The following TRPM3 variants were observed in gnomAD, a reference collection of about 807,000 sequenced individuals.
TRPM3 encodes the protein long transient receptor potential channel 3.
A neutral mutation model predicts 181.2 loss-of-function variants in TRPM3; 77 were observed. That is an observed-to-expected ratio of 0.42 (90% CI 0.35 to 0.51). The LOEUF (loss-of-function observed/expected upper bound fraction) is 0.51, where lower values mean the gene tolerates loss of function less well. TRPM3 is among the 20% of genes least tolerant of loss of function. The probability of loss-of-function intolerance (pLI) is 0.01; values close to 1 mark genes in which losing one functional copy is unlikely to be tolerated. For missense variants in TRPM3, 1,759 were observed against 2,196.7 expected, an observed-to-expected ratio of 0.80 and a Z score of 3.98; for synonymous variants, 745 against 796.4, an observed-to-expected ratio of 0.94 and a Z score of 1.09.
In TRPM3 at chr9:70,937,819, G is replaced by A. The variant is rs190822927; in HGVS notation, c.178-73308C>T. Among the ~76,000 whole-genome samples the A allele has an allele frequency of 5.2e-3, 761 of 147,384 alleles. 3 individuals carry two copies. The highest frequency in any genetic ancestry group is 0.011 in the Admixed American group (160 of 14,632). ...ATAGTCCTGTGTGATTCCTGGAGGT[G>A]CTGCAGAAGTCAACTGAGACCCTGA... On this transcript the variant is annotated intron_variant, in intron 1 of 25. Transcript: ENST00000677713.
chr9:71,384,770 A>ATGGTGTTC, intron 1 of TRPM3, among the ~76,000 whole-genome samples: 1 of 152,336 alleles, frequency 6.6e-6, no homozygotes, highest in East Asian at 1.9e-4. Flanking sequence ...AGAACACCAT[A>ATGGTGTTC]TTAAGAATAA....
At chr9:71,236,784 C>T (rs534420852) in intron 1 of TRPM3, among the ~76,000 whole-genome samples, 4 of 152,286 alleles carry the variant, frequency 2.6e-5, no homozygotes, top group East Asian at 3.9e-4. Context: ...CAGTGGCTCA[C>T]GCCTGTAATC....
chr9:70,882,721 C>T (rs2096015758), intron 1 of TRPM3, among the ~76,000 whole-genome samples: 1 of 152,088 alleles, frequency 6.6e-6, no homozygotes, highest in Non-Finnish European at 1.5e-5. Flanking sequence ...TTAGCTAGAG[C>T]ATAAAGTAGC....
chr9:70,554,825 G>T (rs1018581844), intron 22 of TRPM3, among the ~76,000 whole-genome samples: 1 of 152,202 alleles, frequency 6.6e-6, no homozygotes, highest in Non-Finnish European at 1.5e-5. Context: ...GGACCAAAGT[G>T]CTTCCTTTAG....
In TRPM3 at chr9:71,428,846, G is replaced by C. The variant is rs527923819; in HGVS notation, c.183+17807C>G. ...TGAATGAATACCTTATAATCATCAAGTTGACCCAGATTTCAAGAATTTGCT... is the reference window on the plus strand; with the variant it reads ...TGAATGAATACCTTATAATCATCAACTTGACCCAGATTTCAAGAATTTGCT... On this transcript the variant is annotated intron_variant, in intron 1 of 24. Transcript: ENST00000357533. Among the ~76,000 whole-genome samples the C allele has an allele frequency of 7.3e-5, 11 of 150,410 alleles. No homozygotes were observed. In the South Asian group the frequency reaches 2.1e-3, roughly 29 times the overall value.
At chr9:70,698,465 G>C (rs2071327454) in intron 8 of TRPM3, among the ~76,000 whole-genome samples, 1 of 152,152 alleles carries the variant, frequency 6.6e-6, no homozygotes, top group Non-Finnish European at 1.5e-5. Context: ...AGTTAAGTGA[G>C]ATAATGTACA....
At chr9:71,010,337 A>C (rs571825648) in intron 1 of TRPM3, among the ~76,000 whole-genome samples, 15 of 152,258 alleles carry the variant, frequency 9.9e-5, no homozygotes, top group Admixed American at 9.2e-4. Context: ...TGCATCGGAC[A>C]AGGGGTTAAT....
intron 22 of TRPM3, among the ~76,000 whole-genome samples, chr9:70,572,442 A>G (rs1168494761): frequency 1.3e-5 from 2 of 152,224 alleles, no homozygotes; most frequent in Admixed American, 6.5e-5. Context: ...TACAAATTTC[A>G]TTAGTTTTCC....
rs5898151 is a variant in TRPM3, at chr9:70,604,964, C to CTTTTT, written c.2668-1499_2668-1495dup. 3.9e-4 allele frequency among the ~76,000 whole-genome samples: 51 copies of CTTTTT among 129,952 alleles called. 3 individuals are homozygous for CTTTTT. The highest frequency in any genetic ancestry group is 1.3e-3 in the African/African-American group (44 of 33,804). The allele number at this position is 129,952 out of a possible 152,430, so 85.3% of individuals were successfully genotyped here. On this transcript the variant is annotated intron_variant, in intron 19 of 25. Transcript: ENST00000677713. ...ACCATGCTCAGCTGAATGGATTCTT[C>CTTTTT]TTTTTTTTTGGAGACTGAGTCTCAC...
chr9:71,335,994 C>T (rs991449828), intron 1 of TRPM3, among the ~76,000 whole-genome samples: 1 of 152,020 alleles, frequency 6.6e-6, no homozygotes, highest in Admixed American at 6.6e-5. Flanking sequence ...CTCCTCCAGC[C>T]TACCAATCAA....
chr9:71,266,010 G>C (rs2083370450), intron 1 of TRPM3, among the ~76,000 whole-genome samples: 2 of 152,132 alleles, frequency 1.3e-5, no homozygotes, highest in African/African-American at 4.8e-5. Flanking sequence ...CTCTCTGGCT[G>C]GATAAAGATA....
At chr9:71,343,808 TGTGGGGAAAA>T (rs2091117284) in intron 1 of TRPM3, among the ~76,000 whole-genome samples, 1 of 151,942 alleles carries the variant, frequency 6.6e-6, no homozygotes, top group African/African-American at 2.4e-5. Flanking sequence ...CCAGGTCTGA[TGTGGGGAAAA>T]TATAAGATGA....
intron 1 of TRPM3, among the ~76,000 whole-genome samples, chr9:71,021,475 A>G (rs2097846881): frequency 6.6e-6 from 1 of 152,212 alleles, no homozygotes; most frequent in Admixed American, 6.5e-5. Context: ...TTAACTTGGT[A>G]TTAGGAACCT....
intron 22 of TRPM3, among the ~76,000 whole-genome samples, chr9:70,577,300 C>T (rs925264236): frequency 2.6e-5 from 4 of 152,210 alleles, no homozygotes; most frequent in Non-Finnish European, 5.9e-5. Context: ...CTCTGGATTC[C>T]GATGGAAGCA....
In TRPM3 at chr9:71,344,402, G is replaced by C. The variant is rs145834514; in HGVS notation, c.183+102251C>G. Among the ~76,000 whole-genome samples the C allele has an allele frequency of 8.1e-3, 1,223 of 151,690 alleles. 20 individuals carry two copies. Among genetic ancestry groups the C allele is most frequent in the African/African-American group, 0.028 (1,145 of 41,322 alleles). On this transcript the variant is annotated intron_variant, in intron 1 of 24. Coordinates refer to the TRPM3 transcript ENST00000357533. ...GGAGGTGGAGGTTGCAGTGAGCCAA[G>C]ATCACACCATTGCACTCCAGCCTGG...
intron 1 of TRPM3, among the ~76,000 whole-genome samples, chr9:71,386,480 A>G (rs1246178423): frequency 6.6e-6 from 1 of 151,902 alleles, no homozygotes; most frequent in Non-Finnish European, 1.5e-5. Flanking sequence ...AAATATAGGA[A>G]GGGAACACAT....
In TRPM3 at chr9:70,918,369, C is replaced by T. The variant is rs116024223; in HGVS notation, c.178-53858G>A. ...TCATTCTCAAGAATAAACTATATGT[C>T]GGATCACAAAACAAGTCTTAAGGCA... On this transcript the variant is annotated intron_variant, in intron 1 of 25. Transcript: ENST00000677713. Among the ~76,000 whole-genome samples the T allele has an allele frequency of 7.5e-3, 1,145 of 152,058 alleles. 13 individuals carry two copies. Among genetic ancestry groups the T allele is most frequent in the African/African-American group, 0.025 (1,041 of 41,482 alleles).
At chr9:70,827,309 T>A (rs1296451572) in intron 6 of TRPM3, 1 of 152,202 alleles carries the variant, frequency 6.6e-6, no homozygotes, top group African/African-American at 2.4e-5. Context: ...AAAAGCTTAA[T>A]AAATAGAAAC....
chr9:71,433,465 C>A (rs1001438991), intron 1 of TRPM3, among the ~76,000 whole-genome samples: 4 of 152,148 alleles, frequency 2.6e-5, no homozygotes, highest in African/African-American at 7.2e-5. Flanking sequence ...GAGGCCTCCC[C>A]AGTCATGCTG....
Sources: allele counts gnomAD v4.1 joint callset (sites outside exome capture counted in the v4.1 genomes callset), GRCh38; gene constraint gnomAD v4.1.1; transcripts MANE v1.5; gene names NCBI Gene and HGNC (gene_info 2026-07-23, HGNC 2026-07-21).